IGF2BP1: variants seen among roughly 807,000 people sequenced by gnomAD.
IGF2BP1 encodes the protein insulin like growth factor 2 mRNA binding protein 1.
Under a neutral mutation model 74.9 loss-of-function variants are expected in IGF2BP1, and 11 were observed. The ratio of observed to expected loss-of-function variants is 0.15; its 90% CI spans 0.09 to 0.24. IGF2BP1 has a LOEUF of 0.24. IGF2BP1 is among the 10% of genes least tolerant of loss of function. The pLI is 1.00. For missense variants in IGF2BP1, 440 were observed against 757.4 expected, an observed-to-expected ratio of 0.58 and a Z score of 4.92; for synonymous variants, 287 against 281.8, an observed-to-expected ratio of 1.02 and a Z score of -0.18.
At chr17:49,027,029 T>C (rs1374453614) in intron 4 of IGF2BP1, among the ~76,000 whole-genome samples, 3 of 152,154 alleles carry the variant, frequency 2.0e-5, no homozygotes, top group Non-Finnish European at 4.4e-5. Context: ...GCGTGAGCCA[T>C]TGCGCCCGGC....
chr17:49,033,596 G>GC (rs1420448009), intron 5 of IGF2BP1, among the ~76,000 whole-genome samples: 1 of 152,080 alleles, frequency 6.6e-6, no homozygotes, highest in Non-Finnish European at 1.5e-5. Context: ...ACCCACCTCA[G>GC]CCCCCCAGAG....
intron 2 of IGF2BP1, among the ~76,000 whole-genome samples, chr17:49,003,773 A>G (rs2041512065): frequency 1.7e-5 from 1 of 57,346 alleles, no homozygotes; most frequent in African/African-American, 7.1e-5. Flanking sequence ...TGGAAATTCC[A>G]GACGGGGAGG....
At chr17:49,011,318 T>C (rs2041617229) in intron 2 of IGF2BP1, among the ~76,000 whole-genome samples, 1 of 152,090 alleles carries the variant, frequency 6.6e-6, no homozygotes, top group South Asian at 2.1e-4. Flanking sequence ...ATTTCTCTTC[T>C]TGAGCATCTT....
chr17:49,041,275 T>C, intron 7 of IGF2BP1, 103 bp from the exon 8 acceptor site: 1 of 1,291,776 alleles, frequency 7.7e-7, no homozygotes, highest in Non-Finnish European at 1.1e-6. Flanking sequence ...TTGAGATGTT[T>C]TACTTGGAAA....
chr17:49,007,591 G>A (rs941760245), intron 2 of IGF2BP1, among the ~76,000 whole-genome samples: 6 of 152,116 alleles, frequency 3.9e-5, no homozygotes, highest in African/African-American at 1.4e-4. Flanking sequence ...TACTATAAAG[G>A]GTTTTACAAT....
chr17:49,025,689 A>G (rs867023553), intron 3 of IGF2BP1, 23 bp downstream of exon 3: 2 of 1,605,866 alleles, frequency 1.2e-6, no homozygotes, highest in African/African-American at 2.7e-5. Flanking sequence ...GGGAAACTCT[A>G]AATGGAGTGG....
chr17:49,008,460 A>G (rs1229880180), intron 2 of IGF2BP1, among the ~76,000 whole-genome samples: 1 of 152,220 alleles, frequency 6.6e-6, no homozygotes, highest in East Asian at 1.9e-4. Flanking sequence ...TTTTTAGAAT[A>G]GAGTGGAGTG....
chr17:49,022,721 C>G (rs1014075001), intron 2 of IGF2BP1, among the ~76,000 whole-genome samples: 2 of 152,190 alleles, frequency 1.3e-5, no homozygotes, highest in Non-Finnish European at 2.9e-5. Flanking sequence ...CCACCCTTCT[C>G]CCTTCCCCCA....
rs1384675160 is a variant in IGF2BP1, at chr17:49,052,732, C to T, written c.*3288C>T. 1 of 152,464 alleles carries T rather than the reference C, an allele frequency of 6.6e-6. No individual in the cohort carries two copies. The highest frequency in any genetic ancestry group is 2.4e-5 in the African/African-American group (1 of 41,370). The allele number at this position is 152,464 out of a possible 1,614,324, so 9.4% of individuals were successfully genotyped here. The stretch of plus-strand genomic sequence containing the variant: ...TGCTCAGCACCTCCATTTCCCCATC[C>T]TTGGTGAGATAACAAGCTATCGCGA... On this transcript the variant is annotated 3_prime_UTR_variant, in exon 15 of 15. Transcript: ENST00000290341.
In IGF2BP1 at chr17:48,999,152, G is replaced by C. The variant is rs1295009347; in HGVS notation, c.219G>C (p.Ser73=). 3 of 1,420,964 alleles carry C rather than the reference G, an allele frequency of 2.1e-6. No homozygotes were observed. The South Asian group carries it at 3.4e-5, about 16-fold the overall frequency. 88.0% of individuals were successfully genotyped at this position (1,420,964 alleles called of 1,614,324 possible). ...LQGKRLEIEH[S]VPKKQRSRKI... is the part of the protein sequence containing the mutation. ...GAAAACGCTTAGAGATTGAACATTC[G>C]GTGCCCAAAAAACAAAGGTAGGAAA... The change falls in exon 2 of 15, where the codon TCG becomes TCC. Residue 73 remains serine, a synonymous_variant. Transcript: ENST00000290341.
chr17:49,005,563 T>C (rs1054707601), intron 2 of IGF2BP1, among the ~76,000 whole-genome samples: 2 of 152,122 alleles, frequency 1.3e-5, no homozygotes, highest in Non-Finnish European at 2.9e-5. Flanking sequence ...ATTTTGCTTA[T>C]AGTTTAGAGG....
chr17:49,030,841 C>T (rs2041913108), intron 4 of IGF2BP1, among the ~76,000 whole-genome samples: 2 of 152,038 alleles, frequency 1.3e-5, no homozygotes, highest in Non-Finnish European at 2.9e-5. Flanking sequence ...ATTGGTCAGG[C>T]TGGTCTCAAA....
At chr17:49,029,153 G>A (rs2041892573) in intron 4 of IGF2BP1, among the ~76,000 whole-genome samples, 1 of 133,820 alleles carries the variant, frequency 7.5e-6, no homozygotes, top group African/African-American at 2.9e-5. Flanking sequence ...CAAATATTCT[G>A]TAGAACTTGC....
Position 49,050,857 on chromosome 17 carries a change from TCTC to T in IGF2BP1, c.*1419_*1421del, listed in dbSNP as rs2042159093. The T allele has an allele frequency of 6.6e-6, 1 of 152,602 alleles. No homozygotes were observed. The highest frequency in any genetic ancestry group is 2.4e-5 in the African/African-American group (1 of 41,432). The allele number at this position is 152,602 out of a possible 1,614,324, so 9.5% of individuals were successfully genotyped here. ...GCCATCAGTTAAATGAGGTTAGGCC[TCTC>T]CTCCTAATATACTGATTGACAATGC... On this transcript the variant is annotated 3_prime_UTR_variant, in exon 15 of 15. Coordinates refer to ENST00000290341, the MANE Select transcript of IGF2BP1 (RefSeq NM_006546.4).
At chr17:49,018,562 G>A (rs539124666) in intron 2 of IGF2BP1, among the ~76,000 whole-genome samples, 1 of 151,918 alleles carries the variant, frequency 6.6e-6, no homozygotes, top group African/African-American at 2.4e-5. Flanking sequence ...GGATGGATTC[G>A]AAAGTCTTCA....
chr17:48,999,923 G>GGTGTGTGTGTGTGT lies in IGF2BP1; in HGVS notation c.236+781_236+794dup, dbSNP rs371605973. 6.1e-3 allele frequency among the ~76,000 whole-genome samples: 819 copies of GGTGTGTGTGTGTGT among 134,062 alleles called. 6 individuals are homozygous for GGTGTGTGTGTGTGT. The highest frequency in any genetic ancestry group is 0.02 in the East Asian group (88 of 4,384). The allele number at this position is 134,062 out of a possible 152,430, so 87.9% of individuals were successfully genotyped here. A position where few individuals can be genotyped will look rare whatever the true frequency, so the allele number is the denominator to read the frequency against. ...AGGGTCTAGAACTCCGTGGATGAAT[G>GGTGTGTGTGTGTGT]GTGTGTGTGTGTGTGTGTGTGTGTG... On this transcript the variant is annotated intron_variant, in intron 2 of 14. Transcript: ENST00000290341.
intron 4 of IGF2BP1, 114 bp downstream of exon 4, chr17:49,026,631 TCCTGCCTTCCTTCCTGCCTG>T: frequency 2.3e-6 from 1 of 429,876 alleles, no homozygotes; most frequent in Non-Finnish European, 3.9e-6. Flanking sequence ...CTTCCTTCCT[TCCTGCCTTCCTTCCTGCCTG>T]CCTTCCTGCC....
chr17:49,008,007 A>C (rs1299301684), intron 2 of IGF2BP1, among the ~76,000 whole-genome samples: 1 of 152,090 alleles, frequency 6.6e-6, no homozygotes, highest in Non-Finnish European at 1.5e-5. Flanking sequence ...CCCCGTCTCT[A>C]CTAAAAATAC....
intron 2 of IGF2BP1, 75 bp downstream of exon 2, chr17:48,999,244 A>G (rs1233992258): frequency 9.1e-6 from 8 of 881,442 alleles, no homozygotes; most frequent in Non-Finnish European, 1.5e-5. Context: ...AGGGGTCCAT[A>G]GCGTCTCCAG....
Sources: allele counts gnomAD v4.1 joint callset (sites outside exome capture counted in the v4.1 genomes callset), GRCh38; gene constraint gnomAD v4.1.1; transcripts MANE v1.5; gene names NCBI Gene and HGNC (gene_info 2026-07-23, HGNC 2026-07-21).